Variants in DLGAP2 observed in about 807,000 individuals in gnomAD.
The protein encoded by DLGAP2 is disks large-associated protein 2.
DLGAP2 carries 26 observed loss-of-function variants against 100.3 expected under a neutral mutation model. The ratio of observed to expected loss-of-function variants is 0.26; its 90% CI spans 0.19 to 0.36. The LOEUF (loss-of-function observed/expected upper bound fraction) is 0.36, where lower values mean the gene tolerates loss of function less well. Among genes scored for constraint, DLGAP2 ranks in the 10% least tolerant of loss-of-function variants. The pLI is 1.00. For missense variants in DLGAP2, 1,858 were observed against 1,453.2 expected (o/e 1.28, Z -4.53); for synonymous variants, 886 against 630.1 (o/e 1.41, Z -6.08).
At chr8:852,174 G>C (rs1010415026) in intron 1 of DLGAP2, among the ~76,000 whole-genome samples, 1 of 152,114 alleles carries the variant, frequency 6.6e-6, no homozygotes, top group Non-Finnish European at 1.5e-5. Context: ...GTCAAAAACA[G>C]TTTAAAGAAT....
chr8:1,640,470 GTCCCAGGGAATCTGAACGTCT>G (rs1433535049), intron 8 of DLGAP2, among the ~76,000 whole-genome samples: 1 of 152,216 alleles, frequency 6.6e-6, no homozygotes, highest in African/African-American at 2.4e-5. Flanking sequence ...GGTCCGAGAT[GTCCCAGGGAATCTGAACGTCT>G]TCCCAGCCGC....
intron 2 of DLGAP2, among the ~76,000 whole-genome samples, chr8:1,099,853 T>A (rs1804517843): frequency 2.0e-5 from 3 of 152,364 alleles, no homozygotes; most frequent in African/African-American, 7.2e-5. Flanking sequence ...TCCATAGACA[T>A]GCATTCAAAA....
intron 2 of DLGAP2, among the ~76,000 whole-genome samples, chr8:1,150,948 T>C (rs1372878935): frequency 6.6e-6 from 1 of 152,246 alleles, no homozygotes; most frequent in South Asian, 2.1e-4. Context: ...ATTATTTGGA[T>C]ATAATTATTT....
intron 5 of DLGAP2, among the ~76,000 whole-genome samples, chr8:1,552,361 G>T (rs1456976857): frequency 6.6e-6 from 1 of 152,156 alleles, no homozygotes; most frequent in Non-Finnish European, 1.5e-5. Flanking sequence ...CACCTCTTCG[G>T]GGCATGCAGC....
intron 2 of DLGAP2, among the ~76,000 whole-genome samples, chr8:1,220,342 T>A (rs1798292420): frequency 1.3e-5 from 2 of 152,202 alleles, no homozygotes; most frequent in African/African-American, 4.8e-5. Context: ...AATGTTTGGA[T>A]TTCTACCTTC....
At chr8:1,288,875 A>G (rs1167281336) in intron 3 of DLGAP2, among the ~76,000 whole-genome samples, 1 of 152,150 alleles carries the variant, frequency 6.6e-6, no homozygotes, top group Non-Finnish European at 1.5e-5. Flanking sequence ...ATTCCTCCAT[A>G]GGCTTCAAAT....
chr8:779,149 C>T (rs1282332140), intron 1 of DLGAP2, among the ~76,000 whole-genome samples: 1 of 152,244 alleles, frequency 6.6e-6, no homozygotes, highest in African/African-American at 2.4e-5. Flanking sequence ...AAGGGAACTC[C>T]CTGACGCCTT....
intron 8 of DLGAP2, among the ~76,000 whole-genome samples, chr8:1,647,488 CAAAAAAAAAAAA>C (rs567451595): frequency 5.1e-4 from 23 of 44,966 alleles, no homozygotes; most frequent in Admixed American, 1.1e-3. Flanking sequence ...GACTCTGTCT[CAAAAAAAAAAAA>C]AAAAAAAAAA....
At chr8:902,655 A>C (rs1308103692) in intron 1 of DLGAP2, among the ~76,000 whole-genome samples, 2 of 1,080 alleles carry the variant, frequency 1.9e-3, no homozygotes, top group East Asian at 0.017. Flanking sequence ...TGGGCGGGGC[A>C]GGGGGAGATG....
intron 3 of DLGAP2, among the ~76,000 whole-genome samples, chr8:1,485,816 G>A (rs1799221732): frequency 6.6e-6 from 1 of 152,186 alleles, no homozygotes. Flanking sequence ...CTTGAAGTTA[G>A]GAGTTTGAGA....
intron 1 of DLGAP2, among the ~76,000 whole-genome samples, chr8:806,866 A>G (rs1431407873): frequency 6.6e-6 from 1 of 152,244 alleles, no homozygotes; most frequent in Non-Finnish European, 1.5e-5. Context: ...TATCACCGAT[A>G]CAAATGACTG....
At chr8:1,197,156 T>A (rs1797768936) in intron 2 of DLGAP2, among the ~76,000 whole-genome samples, 1 of 152,154 alleles carries the variant, frequency 6.6e-6, no homozygotes, top group Non-Finnish European at 1.5e-5. Context: ...CCAGTGCAGG[T>A]CTCTTCTGGA....
chr8:1,254,122 G>C (rs1799115873), intron 2 of DLGAP2, among the ~76,000 whole-genome samples: 1 of 152,224 alleles, frequency 6.6e-6, no homozygotes, highest in Non-Finnish European at 1.5e-5. Flanking sequence ...GTTGAACCCA[G>C]TGTGCCTGTG....
chr8:1,232,514 C>G (rs749824607), intron 2 of DLGAP2, among the ~76,000 whole-genome samples: 6 of 152,218 alleles, frequency 3.9e-5, no homozygotes, highest in Non-Finnish European at 7.3e-5. Context: ...CTCCTTTCCT[C>G]TTGCATCACT....
chr8:1,320,974 T>C (rs1800885202), intron 3 of DLGAP2, among the ~76,000 whole-genome samples: 1 of 152,230 alleles, frequency 6.6e-6, no homozygotes, highest in Non-Finnish European at 1.5e-5. Flanking sequence ...CCTGTGCCTC[T>C]ACATGTGTGC....
chr8:1,026,042 C>G (rs1334949648), intron 2 of DLGAP2, among the ~76,000 whole-genome samples: 1 of 152,218 alleles, frequency 6.6e-6, no homozygotes, highest in Non-Finnish European at 1.5e-5. Context: ...CCCGTCCAGG[C>G]CGCCTCCAGC....
intron 2 of DLGAP2, among the ~76,000 whole-genome samples, chr8:945,311 G>A (rs953810558): frequency 6.6e-6 from 1 of 152,052 alleles, no homozygotes; most frequent in Non-Finnish European, 1.5e-5. Context: ...ATCTCTCCTT[G>A]GCCTGTCACC....
At chr8:1,481,935 G>T (rs1799111343) in intron 3 of DLGAP2, among the ~76,000 whole-genome samples, 1 of 152,226 alleles carries the variant, frequency 6.6e-6, no homozygotes, top group South Asian at 2.1e-4. Context: ...TCCTTCTGAT[G>T]CCAGGGTCCC....
chr8:1,289,484 A>G (rs10097829), intron 3 of DLGAP2, among the ~76,000 whole-genome samples: 19,076 of 152,214 alleles, frequency 0.13, 1,532 homozygotes, highest in East Asian at 0.24. Context: ...CACACTGGAC[A>G]GTATCAGTAA....
Sources: gnomAD v4.1 joint callset for allele counts (sites outside exome capture counted in the v4.1 genomes callset) on GRCh38, gnomAD v4.1.1 for gene constraint, MANE v1.5 for transcripts, NCBI Gene and HGNC (gene_info 2026-07-23, HGNC 2026-07-21) for gene names.